Variants in RIMS1 observed in about 807,000 individuals in gnomAD.
RIMS1 encodes regulating synaptic membrane exocytosis 1.
In RIMS1, 83 loss-of-function variants were observed where a neutral mutation model predicts 214.1. That is an observed-to-expected ratio of 0.39 (90% CI 0.32 to 0.47). The LOEUF (loss-of-function observed/expected upper bound fraction) is 0.47, where lower values mean the gene tolerates loss of function less well. RIMS1 is among the 20% of genes least tolerant of loss of function. The pLI, the probability that RIMS1 is intolerant of heterozygous loss-of-function variation, is 0.99. For synonymous variants in RIMS1, 793 were observed against 786.8 expected, an observed-to-expected ratio of 1.01 and a Z score of -0.13; for missense variants, 2,050 against 2,161.8, an observed-to-expected ratio of 0.95 and a Z score of 1.03.
At chr6:72,098,055 G>A (rs1483074169) in intron 3 of RIMS1, among the ~76,000 whole-genome samples, 1 of 152,078 alleles carries the variant, frequency 6.6e-6, no homozygotes, top group Admixed American at 6.6e-5. Context: ...CAGTGTTCCT[G>A]TAAAGAATTT....
chr6:72,216,364 C>T (rs2056022422), intron 6 of RIMS1: 1 of 780,162 alleles, frequency 1.3e-6, no homozygotes, highest in African/African-American at 1.9e-5. Flanking sequence ...CTGTCCCCAG[C>T]TCTCTGGCAA....
At chr6:72,387,633 A>G (rs1477999988) in intron 29 of RIMS1, among the ~76,000 whole-genome samples, 1 of 152,244 alleles carries the variant, frequency 6.6e-6, no homozygotes, top group Non-Finnish European at 1.5e-5. Flanking sequence ...CACAATGACA[A>G]GTCAAGTGGA....
chr6:72,220,763 G>A (rs1357197349), intron 6 of RIMS1, among the ~76,000 whole-genome samples: 1 of 152,064 alleles, frequency 6.6e-6, no homozygotes, highest in Non-Finnish European at 1.5e-5. Context: ...AATTCATTGA[G>A]CTTGTTTCTG....
chr6:72,266,295 G>A (rs1163677914), intron 22 of RIMS1: 2 of 519,134 alleles, frequency 3.9e-6, no homozygotes, highest in Non-Finnish European at 7.0e-6. Flanking sequence ...ATTTGTAACT[G>A]CTTCTGGCTG....
At chr6:72,103,988 AT>A (rs1373079676) in intron 4 of RIMS1, among the ~76,000 whole-genome samples, 19 of 152,076 alleles carry the variant, frequency 1.2e-4, no homozygotes, top group Admixed American at 3.3e-4. Context: ...TTGAGAATGA[AT>A]TTTTTTAAGA....
chr6:72,165,981 A>G lies in RIMS1; in HGVS notation c.472-13594A>G, dbSNP rs528112748. The stretch of plus-strand genomic sequence containing the variant: ...CATTTATTTTGCTCTTCGTATTAAT[A>G]TGTTTGGGTTTCCATAACAAAATAC... On this transcript the variant is annotated intron_variant, in intron 4 of 33. Transcript: ENST00000521978. Among the ~76,000 whole-genome samples, 12 of 152,342 alleles carry G rather than the reference A, an allele frequency of 7.9e-5. No homozygotes were observed. The East Asian group carries it at 1.5e-3, about 20-fold the overall frequency.
At chr6:72,059,650 A>G (rs955561938) in intron 2 of RIMS1, among the ~76,000 whole-genome samples, 1 of 152,234 alleles carries the variant, frequency 6.6e-6, no homozygotes, top group Non-Finnish European at 1.5e-5. Context: ...ACATAATGCC[A>G]CTATACAATT....
chr6:72,195,288 T>C (rs1023678047), intron 6 of RIMS1, among the ~76,000 whole-genome samples: 11 of 152,162 alleles, frequency 7.2e-5, no homozygotes, highest in Admixed American at 6.5e-5. Flanking sequence ...ATTTCTACAG[T>C]GCTTTGTGAA....
At chr6:72,245,028 C>T (rs113624893) in intron 10 of RIMS1, among the ~76,000 whole-genome samples, 3,589 of 151,778 alleles carry the variant, frequency 0.024, 124 homozygotes, top group African/African-American at 0.081. Flanking sequence ...GTAAAATAGT[C>T]CTATGCAGTA....
intron 4 of RIMS1, among the ~76,000 whole-genome samples, chr6:72,143,339 T>C (rs2496552): frequency 0.61 from 93,236 of 152,162 alleles, 29,184 homozygotes; most frequent in East Asian, 0.84. Context: ...AAATAGGATA[T>C]TGTTTAAGTG....
At chr6:72,221,891 T>C (rs1011104060) in intron 6 of RIMS1, among the ~76,000 whole-genome samples, 2 of 151,970 alleles carry the variant, frequency 1.3e-5, no homozygotes, top group Non-Finnish European at 2.9e-5. Context: ...GGGTTGGTTT[T>C]TACGGAAATT....
At chr6:72,144,167 A>G (rs951421848) in intron 4 of RIMS1, among the ~76,000 whole-genome samples, 44 of 152,194 alleles carry the variant, frequency 2.9e-4, no homozygotes, top group Admixed American at 3.3e-4. Context: ...TGCATCTATT[A>G]AGTGTTATTC....
In RIMS1 at chr6:72,182,749, G is replaced by A; in HGVS notation, c.1278G>A (p.Arg426=). 1 of 1,542,790 alleles carries A rather than the reference G, an allele frequency of 6.5e-7. No individual in the cohort carries two copies. ...GGGCCTCGCCGCCGGACTCGCCGCG[G>A]GCTTACTCGGCTGAGAGAACTGCGG... The part of the protein sequence containing the change: ...AARASPPDSP[R]AYSAERTAET... The change falls in exon 6 of 34, where the codon CGG becomes CGA. Residue 426 remains arginine (R), a synonymous_variant. Transcript: ENST00000521978.
At chr6:72,207,889 T>G (rs926566018) in intron 6 of RIMS1, among the ~76,000 whole-genome samples, 9 of 152,130 alleles carry the variant, frequency 5.9e-5, no homozygotes, top group African/African-American at 2.2e-4. Context: ...ATCTCTAATC[T>G]CCAAGTGCCA....
rs59655989 is a variant in RIMS1 at position 72,190,463 on chromosome 6, CAAAAAAAAAAAA to C, written c.1678+7326_1678+7337del. On this transcript the variant is annotated intron_variant, in intron 6 of 33. Transcript: ENST00000521978. ...TGGCAACAAGAGTAAAACTCTGTCT[CAAAAAAAAAAAA>C]AAAAAAAAAAAGAAAGAAAGAAATA... Among the ~76,000 whole-genome samples the C allele has an allele frequency of 1.1e-4, 14 of 128,508 alleles. No individual in the cohort carries two copies. The East Asian group carries it at 1.5e-3, about 14-fold the overall frequency. 84.3% of individuals were successfully genotyped at this position (128,508 alleles called of 152,430 possible).
intron 2 of RIMS1, among the ~76,000 whole-genome samples, chr6:72,049,381 C>T (rs1226926981): frequency 6.6e-6 from 1 of 152,076 alleles, no homozygotes; most frequent in Non-Finnish European, 1.5e-5. Context: ...CTGAGAACTT[C>T]TTATTACAGA....
intron 1 of RIMS1, among the ~76,000 whole-genome samples, chr6:71,940,619 G>T (rs1270038583): frequency 6.6e-6 from 1 of 152,206 alleles, no homozygotes; most frequent in African/African-American, 2.4e-5. Context: ...ATAGGGGAGA[G>T]AGATTGAACT....
chr6:72,232,251 G>C (rs1040390675), intron 6 of RIMS1, among the ~76,000 whole-genome samples: 34 of 151,730 alleles, frequency 2.2e-4, no homozygotes, highest in African/African-American at 8.2e-4. Flanking sequence ...TTATAGGATA[G>C]AGTTTTACAA....
intron 6 of RIMS1, among the ~76,000 whole-genome samples, chr6:72,194,997 A>T (rs1331271187): frequency 6.6e-6 from 1 of 152,176 alleles, no homozygotes; most frequent in Non-Finnish European, 1.5e-5. Flanking sequence ...TGAAATATGT[A>T]ATATAATTCA....
Sources: gnomAD v4.1 joint callset for allele counts (sites outside exome capture counted in the v4.1 genomes callset) on GRCh38, gnomAD v4.1.1 for gene constraint, MANE v1.5 for transcripts, NCBI Gene and HGNC (gene_info 2026-07-23, HGNC 2026-07-21) for gene names.